The following DOC2B variants were observed in gnomAD, a reference collection of about 807,000 sequenced individuals.
The protein encoded by DOC2B is double C2 domain beta.
Under a neutral mutation model 28.9 loss-of-function variants are expected in DOC2B, and 21 were observed. That is an observed-to-expected ratio of 0.73 (90% CI 0.52 to 1.05). DOC2B has a LOEUF of 1.05. Among genes scored for constraint, DOC2B ranks in the 50% least tolerant of loss-of-function variants. DOC2B has a pLI of 0.00. For missense variants in DOC2B, 384 were observed against 421.1 expected (o/e 0.91, Z 0.77); for synonymous variants, 194 against 178.1 (o/e 1.09, Z -0.71).
chr17:147,748 C>A (rs1242670818), intron 8 of DOC2B, among the ~76,000 whole-genome samples, 171 bp from the exon 9 acceptor site: 3 of 152,198 alleles, frequency 2.0e-5, no homozygotes, highest in African/African-American at 7.2e-5. Context: ...CCCGTCAGGG[C>A]CCAGCCATCC....
intron 1 of DOC2B, among the ~76,000 whole-genome samples, chr17:178,910 G>C (rs963920336): frequency 2.0e-5 from 3 of 152,216 alleles, no homozygotes; most frequent in African/African-American, 4.8e-5. Context: ...CAGCCCAGAG[G>C]GGGGCACCGC....
Position 174,855 on chromosome 17 carries a change from A to G in DOC2B, c.374-2239T>C, listed in dbSNP as rs551265719. On this transcript the variant is annotated intron_variant, in intron 1 of 8. Transcript: ENST00000613549. ...GCCTTGAGTGGCTGGTGTGGGGCTC[A>G]TGCCTGTCATCCCAGCAGTTTGGGA... Among the ~76,000 whole-genome samples the G allele has an allele frequency of 2.1e-3, 317 of 152,350 alleles. 2 individuals carry two copies. Among genetic ancestry groups the G allele is most frequent in the African/African-American group, 7.4e-3 (308 of 41,590 alleles).
chr17:181,217 C>A lies in DOC2B; in HGVS notation c.263G>T (p.Gly88Val). Reference protein sequence around the residue: ...EDDEDVDQLFGAYGSSPGPSP... With the variant: ...EDDEDVDQLFVAYGSSPGPSP... ...GGGGCCCGGGCTGGAGCCGTAGGCT[C>A]CGAAGAGCTGGTCCACATCCTCGTC... Residue 88 changes from glycine to valine, a missense_variant, in exon 1 of 9, where the codon GGA (glycine) becomes GTA (valine). Transcript: ENST00000613549. This position sits in a 1 kb window ranked among gnomAD's most constrained non-coding sequence, Gnocchi z 7.0. 8.2e-7 allele frequency: 1 copy of A among 1,223,456 alleles called. No individual in the cohort carries two copies. Among genetic ancestry groups the A allele is most frequent in the Non-Finnish European group, 1.0e-6 (1 of 982,362 alleles). 75.8% of individuals were successfully genotyped at this position (1,223,456 alleles called of 1,614,324 possible).
chr17:151,663 T>C (rs1398950336), intron 6 of DOC2B, among the ~76,000 whole-genome samples: 1 of 152,214 alleles, frequency 6.6e-6, no homozygotes, highest in Non-Finnish European at 1.5e-5. Context: ...TGGTATATTG[T>C]GTCTGCTGTG....
chr17:173,327 C>G (rs970310238), intron 1 of DOC2B, among the ~76,000 whole-genome samples: 9 of 152,108 alleles, frequency 5.9e-5, no homozygotes, highest in African/African-American at 2.2e-4. Flanking sequence ...AGAAGCGGCT[C>G]CCAGCATGGA....
chr17:181,031 G>A lies in DOC2B; in HGVS notation c.373+76C>T. 7 of 1,163,598 alleles carry A rather than the reference G, an allele frequency of 6.0e-6. No homozygotes were observed. The highest frequency in any genetic ancestry group is 7.5e-6 in the Non-Finnish European group (7 of 931,536). The allele number at this position is 1,163,598 out of a possible 1,614,324, so 72.1% of individuals were successfully genotyped here. ...CGAGCGCGCGAGGGGGACCGGCGGA[G>A]GGAAGCCGCGAGGCCGTGGGGGGGC... On this transcript the variant is annotated intron_variant, in intron 1 of 8. Coordinates refer to ENST00000613549, the MANE Select transcript of DOC2B (RefSeq NM_003585.5). The surrounding 1 kb of genome is among the most constrained non-coding windows in gnomAD (Gnocchi z 7.0).
At chr17:164,091 G>GGGTGCAGCTGGTGGGCA in intron 3 of DOC2B, 39 bp downstream of exon 3, 1 of 1,473,302 alleles carries the variant, frequency 6.8e-7, no homozygotes, top group Non-Finnish European at 9.3e-7. Flanking sequence ...GGTGGTGGGC[G>GGGTGCAGCTGGTGGGCA]GGTGCAGCTG....
At chr17:152,935 G>A (rs1368216385) in intron 6 of DOC2B, among the ~76,000 whole-genome samples, 1 of 152,112 alleles carries the variant, frequency 6.6e-6, no homozygotes, top group African/African-American at 2.4e-5. Context: ...CAGCTGAGGG[G>A]TGCCCCTCTT....
chr17:181,153 C>T lies in DOC2B; in HGVS notation c.327G>A (p.Pro109=), dbSNP rs2040437552. 2.4e-6 allele frequency: 3 copies of T among 1,253,060 alleles called. No individual in the cohort carries two copies. Among genetic ancestry groups the T allele is most frequent in the Admixed American group, 4.2e-5 (1 of 23,650 alleles). The allele number at this position is 1,253,060 out of a possible 1,614,324, so 77.6% of individuals were successfully genotyped here. ...CGTCGGCGTCCGGCTCGTCCTCCGG[C>T]GGCTTGGCTGGCGGCCGCGCGGGGC... is the stretch of plus-strand genomic sequence containing the variant. ...GPSPARPPAK[P]PEDEPDADGY... Residue 109 remains proline, a synonymous_variant, in exon 1 of 9, where the codon CCG becomes CCA. Coordinates refer to ENST00000613549, the MANE Select transcript of DOC2B (RefSeq NM_003585.5). This position sits in a 1 kb window ranked among gnomAD's most constrained non-coding sequence, Gnocchi z 7.0.
chr17:175,849 G>A (rs34783022), intron 1 of DOC2B, among the ~76,000 whole-genome samples: 108,345 of 152,146 alleles, frequency 0.71, 39,082 homozygotes, highest in East Asian at 0.84. Context: ...GGAGGGCAGC[G>A]ATCTTCTCCA....
intron 1 of DOC2B, among the ~76,000 whole-genome samples, chr17:180,565 G>A (rs1248191116): frequency 6.6e-6 from 1 of 152,096 alleles, no homozygotes; most frequent in African/African-American, 2.4e-5. Context: ...CTGCTCGCGC[G>A]CCAGCAAAGC....
chr17:156,170 G>A (rs1555522444), intron 6 of DOC2B, 50 bp downstream of exon 6: 14 of 1,499,670 alleles, frequency 9.3e-6, no homozygotes, highest in South Asian at 2.6e-5. Flanking sequence ...ACGGACCCCC[G>A]TCCTTGGAGG....
intron 5 of DOC2B, among the ~76,000 whole-genome samples, chr17:159,748 C>T (rs2040177841): frequency 6.6e-6 from 1 of 152,192 alleles, no homozygotes; most frequent in Non-Finnish European, 1.5e-5. Context: ...GCGCATCCAG[C>T]AACGCCCTGA....
At chr17:155,709 C>G (rs2040126353) in intron 6 of DOC2B, among the ~76,000 whole-genome samples, 1 of 152,262 alleles carries the variant, frequency 6.6e-6, no homozygotes, top group Non-Finnish European at 1.5e-5. Flanking sequence ...CCCAGGCCAC[C>G]TGGCATGGCC....
chr17:151,309 T>C (rs556217481), intron 6 of DOC2B, among the ~76,000 whole-genome samples: 1 of 152,316 alleles, frequency 6.6e-6, no homozygotes, highest in African/African-American at 2.4e-5. Flanking sequence ...TGGATATGAA[T>C]GATACAGGTT....
chr17:169,437 T>A (rs540447219), intron 2 of DOC2B, among the ~76,000 whole-genome samples: 1 of 151,590 alleles, frequency 6.6e-6, no homozygotes. Flanking sequence ...TTCACAGCAG[T>A]GTGAAGGTAG....
At chr17:162,810 C>A (rs1287864803) in intron 3 of DOC2B, among the ~76,000 whole-genome samples, 1 of 152,234 alleles carries the variant, frequency 6.6e-6, no homozygotes, top group Non-Finnish European at 1.5e-5. Context: ...GAGTCTCCTT[C>A]CCAGGGCATT....
At chr17:160,606 G>T (rs111467827) in intron 5 of DOC2B, among the ~76,000 whole-genome samples, 1 of 152,134 alleles carries the variant, frequency 6.6e-6, no homozygotes, top group Non-Finnish European at 1.5e-5. Context: ...CCATGCCTCC[G>T]CCTGTGTCCT....
In DOC2B at chr17:147,295, G is replaced by A. The variant is rs930512989; in HGVS notation, c.*146C>T. On this transcript the variant is annotated 3_prime_UTR_variant, in exon 9 of 9. Coordinates refer to ENST00000613549, the MANE Select transcript of DOC2B (RefSeq NM_003585.5). ...TGGCTGAGCCCTCCACATCCTCCGAGCGGGGACTGCAGTGGCTCTGTGTCC... is the reference window on the plus strand; with the variant it reads ...TGGCTGAGCCCTCCACATCCTCCGAACGGGGACTGCAGTGGCTCTGTGTCC... 4.3e-5 allele frequency: 17 copies of A among 396,528 alleles called. No individual in the cohort carries two copies. The highest frequency in any genetic ancestry group is 7.1e-5 in the Non-Finnish European group (16 of 225,306). The allele number at this position is 396,528 out of a possible 1,614,324, so 24.6% of individuals were successfully genotyped here. A position where few individuals can be genotyped will look rare whatever the true frequency, so the allele number is the denominator to read the frequency against.
Sources: allele counts gnomAD v4.1 joint callset (sites outside exome capture counted in the v4.1 genomes callset), GRCh38; gene constraint gnomAD v4.1.1; non-coding constraint Gnocchi (gnomAD v3.1); transcripts MANE v1.5; gene names NCBI Gene and HGNC (gene_info 2026-07-23, HGNC 2026-07-21).